PARG: variants seen among roughly 807,000 people sequenced by gnomAD.
PARG encodes mitochondrial poly(ADP-ribose) glycohydrolase.
PARG carries 35 observed loss-of-function variants against 113.0 expected under a neutral mutation model. That is an observed-to-expected ratio of 0.31 (90% CI 0.24 to 0.41). The LOEUF (loss-of-function observed/expected upper bound fraction) is 0.41, where lower values mean the gene tolerates loss of function less well. Ranked by LOEUF, PARG falls within the 10% of genes least tolerant of loss-of-function variation. PARG has a pLI of 1.00. For synonymous variants in PARG, 330 were observed against 409.9 expected (o/e 0.81, Z 2.36); for missense variants, 797 against 1,169.4 (o/e 0.68, Z 4.64).
At chr10:49,915,345 C>G (rs556044342) in intron 7 of PARG, among the ~76,000 whole-genome samples, 1 of 151,964 alleles carries the variant, frequency 6.6e-6, no homozygotes, top group Non-Finnish European at 1.5e-5. Flanking sequence ...GGCCAATAGA[C>G]AAATGAAAAG....
chr10:49,934,059 G>A lies in PARG; in HGVS notation c.389C>T (p.Ser130Phe). Residue 130 changes from serine (S) to phenylalanine (F), a missense_variant, in exon 3 of 18, where the codon TCT becomes TTT. Coordinates refer to ENST00000616448, the MANE Select transcript of PARG (RefSeq NM_003631.5). ...GGGTGACTTATCAAGACTTAGCTGAGAAACATTTTCTAATTTTTCTACATT... is the reference window on the plus strand; with the variant it reads ...GGGTGACTTATCAAGACTTAGCTGAAAAACATTTTCTAATTTTTCTACATT... ...QHNVEKLENV[S>F]QLSLDKSPTE... The A allele has an allele frequency of 6.3e-7, 1 of 1,594,098 alleles. No homozygotes were observed. The highest frequency in any genetic ancestry group is 8.6e-7 in the Non-Finnish European group (1 of 1,161,726).
At chr10:49,918,690 T>C (rs1554848347) in intron 6 of PARG, among the ~76,000 whole-genome samples, 1 of 152,230 alleles carries the variant, frequency 6.6e-6, no homozygotes, top group Non-Finnish European at 1.5e-5. Flanking sequence ...AAAAGATCAT[T>C]ATATTCAATT....
intron 1 of PARG, among the ~76,000 whole-genome samples, chr10:49,938,226 T>C (rs1418353809): frequency 1.7e-4 from 26 of 152,336 alleles, no homozygotes; most frequent in African/African-American, 6.0e-4. Flanking sequence ...CTAAGGGTTA[T>C]GTGGATCAAT....
intron 13 of PARG, among the ~76,000 whole-genome samples, chr10:49,846,240 A>G (rs2132468721): frequency 6.6e-6 from 1 of 151,622 alleles, no homozygotes; most frequent in South Asian, 2.1e-4. Flanking sequence ...AGTGTGTATG[A>G]CATATATTTA....
Position 49,819,261 on chromosome 10 carries a change from C to A in PARG, c.*79G>T. ...TGTACACATTTATATTAACTTAAGT[C>A]AATTCATATATTACACCTGACAGCT... On this transcript the variant is annotated 3_prime_UTR_variant, in exon 18 of 18. Transcript: ENST00000616448. The A allele has an allele frequency of 8.8e-7, 1 of 1,141,748 alleles. No individual in the cohort carries two copies. Among genetic ancestry groups the A allele is most frequent in the South Asian group, 1.5e-5 (1 of 64,730 alleles). The allele number at this position is 1,141,748 out of a possible 1,614,324, so 70.7% of individuals were successfully genotyped here.
intron 15 of PARG, among the ~76,000 whole-genome samples, chr10:49,838,248 T>G (rs1427108493): frequency 6.6e-6 from 1 of 151,774 alleles, no homozygotes; most frequent in East Asian, 1.9e-4. Context: ...CTGACCAACA[T>G]GGAGAAACCC....
intron 13 of PARG, among the ~76,000 whole-genome samples, chr10:49,844,267 A>T (rs1845391981): frequency 6.6e-6 from 1 of 152,162 alleles, no homozygotes; most frequent in Admixed American, 6.5e-5. Flanking sequence ...AACATTTTTT[A>T]AAAATCCATT....
intron 9 of PARG, 128 bp downstream of exon 9, chr10:49,879,545 T>G: frequency 1.7e-6 from 1 of 601,126 alleles, no homozygotes; most frequent in African/African-American, 1.9e-5. Flanking sequence ...GTCACTTAAG[T>G]ACTGTAAAAA....
At chr10:49,850,709 T>C (rs1314740284) in intron 13 of PARG, among the ~76,000 whole-genome samples, 1 of 152,148 alleles carries the variant, frequency 6.6e-6, no homozygotes, top group Non-Finnish European at 1.5e-5. Flanking sequence ...GGCTGAAAAA[T>C]ATAAAATATC....
chr10:49,929,826 CAA>C (rs1238299427), intron 4 of PARG, among the ~76,000 whole-genome samples: 88 of 84,776 alleles, frequency 1.0e-3, no homozygotes, highest in Admixed American at 1.6e-3. Context: ...AAAACTCCAT[CAA>C]AAAAAAAAAA....
At chr10:49,893,457 T>C (rs1248144275) in intron 7 of PARG, among the ~76,000 whole-genome samples, 2 of 152,234 alleles carry the variant, frequency 1.3e-5, no homozygotes, top group African/African-American at 2.4e-5. Context: ...ATATTCTGGA[T>C]ACATGTCCCT....
At chr10:49,889,059 G>GTT (rs61640355) in intron 7 of PARG, among the ~76,000 whole-genome samples, 27,793 of 142,870 alleles carry the variant, frequency 0.19, 3,126 homozygotes, top group Non-Finnish European at 0.27. Flanking sequence ...TCTCTGGATA[G>GTT]TTTTTTTTTT....
intron 15 of PARG, among the ~76,000 whole-genome samples, chr10:49,837,302 T>C (rs536900097): frequency 2.1e-4 from 32 of 151,934 alleles, no homozygotes; most frequent in Admixed American, 1.3e-4. Context: ...AGATCCATAC[T>C]GAATTCTGAC....
At chr10:49,852,808 CCCT>C (rs1554834426) in intron 13 of PARG, among the ~76,000 whole-genome samples, 1 of 150,732 alleles carries the variant, frequency 6.6e-6, no homozygotes, top group East Asian at 2.0e-4. Context: ...TTGTGATGCC[CCCT>C]GCCTCGGCCT....
chr10:49,921,271 C>G (rs1363878330), intron 6 of PARG, among the ~76,000 whole-genome samples: 1 of 152,218 alleles, frequency 6.6e-6, no homozygotes, highest in African/African-American at 2.4e-5. Flanking sequence ...CTCCTCCCAC[C>G]TAATACCATT....
intron 14 of PARG, 119 bp downstream of exon 14, chr10:49,843,435 C>G: frequency 1.4e-6 from 1 of 698,566 alleles, no homozygotes; most frequent in Non-Finnish European, 2.6e-6. Flanking sequence ...GATTTCTTTT[C>G]TTTTTTCTTT....
At chr10:49,841,928 A>G (rs782726603) in intron 15 of PARG, 22 bp downstream of exon 15, 50 of 1,432,874 alleles carry the variant, frequency 3.5e-5, no homozygotes, top group Middle Eastern at 3.4e-4. Flanking sequence ...TGCCAGATGA[A>G]CTAAGAAATA....
intron 17 of PARG, among the ~76,000 whole-genome samples, chr10:49,819,700 T>C (rs1843972787): frequency 1.3e-5 from 2 of 152,208 alleles, no homozygotes. Flanking sequence ...ACAACTTCTT[T>C]GCTCATGATA....
chr10:49,899,251 CAAAAATT>C (rs1276255982), intron 7 of PARG, among the ~76,000 whole-genome samples: 2 of 152,096 alleles, frequency 1.3e-5, no homozygotes, highest in African/African-American at 4.8e-5. Flanking sequence ...GCTCACATTT[CAAAAATT>C]AAAAGTACAA....
Sources: allele counts gnomAD v4.1 joint callset (sites outside exome capture counted in the v4.1 genomes callset), GRCh38; gene constraint gnomAD v4.1.1; transcripts MANE v1.5; gene names NCBI Gene and HGNC (gene_info 2026-07-23, HGNC 2026-07-21).